The following AUTS2 variants were observed in gnomAD, a reference collection of about 807,000 sequenced individuals.
AUTS2 encodes the protein autism susceptibility gene 2 protein.
Under a neutral mutation model 112.4 loss-of-function variants are expected in AUTS2, and 17 were observed. That is an observed-to-expected ratio of 0.15 (90% CI 0.10 to 0.23). AUTS2 has a LOEUF of 0.23. AUTS2 is among the 10% of genes least tolerant of loss of function. The pLI is 1.00. For synonymous variants in AUTS2, 751 were observed against 702.7 expected (o/e 1.07, Z -1.09); for missense variants, 1,510 against 1,701.6 (o/e 0.89, Z 1.98).
chr7:70,478,931 TGTC>T (rs1797685779), intron 5 of AUTS2, among the ~76,000 whole-genome samples: 1 of 152,206 alleles, frequency 6.6e-6, no homozygotes, highest in Non-Finnish European at 1.5e-5. Flanking sequence ...TTAGATGTTA[TGTC>T]GCCAGACCCT....
chr7:69,614,314 C>CTCTCTCTTTCTTTCTT (rs1554334304), intron 1 of AUTS2, among the ~76,000 whole-genome samples: 2 of 83,412 alleles, frequency 2.4e-5, no homozygotes, highest in Admixed American at 1.3e-4. Context: ...CACTCTCCGT[C>CTCTCTCTTTCTTTCTT]TCTTTCTTTC....
At chr7:69,755,789 G>A (rs1787921628) in intron 1 of AUTS2, among the ~76,000 whole-genome samples, 1 of 152,034 alleles carries the variant, frequency 6.6e-6, no homozygotes, top group African/African-American at 2.4e-5. Flanking sequence ...GACACTTTGG[G>A]CATGTACGGG....
chr7:70,101,143 G>T (rs1360344345), intron 2 of AUTS2, among the ~76,000 whole-genome samples: 3 of 152,144 alleles, frequency 2.0e-5, no homozygotes, highest in Non-Finnish European at 4.4e-5. Context: ...CTCCCAAAGT[G>T]CTGGGATTAC....
chr7:70,096,570 GC>G, intron 2 of AUTS2, among the ~76,000 whole-genome samples: 1 of 141,952 alleles, frequency 7.0e-6, no homozygotes, highest in South Asian at 2.2e-4. Context: ...TTGCACTCCA[GC>G]CTGGGCAACA....
chr7:70,746,940 C>T (rs1170396311), intron 6 of AUTS2, among the ~76,000 whole-genome samples: 1 of 152,066 alleles, frequency 6.6e-6, no homozygotes, highest in East Asian at 1.9e-4. Context: ...GTCACATAAG[C>T]AATAATTTAC....
chr7:69,805,375 CAGAAAG>C (rs1365178140), intron 1 of AUTS2, among the ~76,000 whole-genome samples: 1 of 152,038 alleles, frequency 6.6e-6, no homozygotes, highest in Admixed American at 6.6e-5. Flanking sequence ...GGAGGATAGT[CAGAAAG>C]AGGAGACAAA....
At chr7:70,528,539 A>G (rs962291281) in intron 5 of AUTS2, among the ~76,000 whole-genome samples, 5 of 152,234 alleles carry the variant, frequency 3.3e-5, no homozygotes, top group African/African-American at 7.2e-5. Flanking sequence ...TCTTGTTCCT[A>G]AAGCTGAAGA....
chr7:70,195,445 A>G (rs1450592419), intron 4 of AUTS2, among the ~76,000 whole-genome samples: 1 of 152,102 alleles, frequency 6.6e-6, no homozygotes, highest in Non-Finnish European at 1.5e-5. Flanking sequence ...TCAGGAGTTC[A>G]AGACCAGCCT....
chr7:70,369,357 A>G (rs889825106), intron 4 of AUTS2, among the ~76,000 whole-genome samples: 4 of 152,174 alleles, frequency 2.6e-5, no homozygotes, highest in African/African-American at 9.7e-5. Context: ...TGGGGCAAAA[A>G]AGCTCATGCC....
chr7:70,733,304 C>T (rs1026024089), intron 6 of AUTS2, among the ~76,000 whole-genome samples: 10 of 152,190 alleles, frequency 6.6e-5, no homozygotes, highest in African/African-American at 2.2e-4. Flanking sequence ...CCACAGTTTA[C>T]ATCACTCAGA....
At chr7:69,925,319 A>G (rs1225050054) in intron 2 of AUTS2, among the ~76,000 whole-genome samples, 2 of 152,034 alleles carry the variant, frequency 1.3e-5, no homozygotes, top group Non-Finnish European at 2.9e-5. Flanking sequence ...CTGGCTTTTA[A>G]AAGTAGGAGC....
rs71068006 is a variant in AUTS2, at chr7:70,011,314, TCTCTCCTCTCCTCTCCTCTC to T, written c.523-106786_523-106767del. On this transcript the variant is annotated intron_variant, in intron 2 of 18. Transcript: ENST00000342771. ...TAGCCTCACCTCTCCTCTCCTTTCCTCTCTCCTCTCCTCTCCTCTCCTCTCCTCTCCTCTCCTCTCCTCTC... is the reference window on the plus strand; with the variant it reads ...TAGCCTCACCTCTCCTCTCCTTTCCTCTCTCCTCTCCTCTCCTCTCCTCTC... Among the ~76,000 whole-genome samples the T allele has an allele frequency of 4.2e-3, 468 of 110,570 alleles. 6 individuals are homozygous for T. Among genetic ancestry groups the T allele is most frequent in the African/African-American group, 0.015 (419 of 28,082 alleles). 72.5% of individuals were successfully genotyped at this position (110,570 alleles called of 152,430 possible). A position where few individuals can be genotyped will look rare whatever the true frequency, so the allele number is the denominator to read the frequency against.
intron 4 of AUTS2, among the ~76,000 whole-genome samples, chr7:70,404,821 A>G (rs1486489284): frequency 6.6e-6 from 1 of 152,214 alleles, no homozygotes; most frequent in Non-Finnish European, 1.5e-5. Flanking sequence ...ACACTGCCAT[A>G]ATCAAAACTA....
chr7:70,365,723 A>C (rs1333824660), intron 4 of AUTS2, among the ~76,000 whole-genome samples: 2 of 152,262 alleles, frequency 1.3e-5, no homozygotes, highest in Admixed American at 1.3e-4. Context: ...AGATAAGATC[A>C]ATTTTAAGAT....
rs67326941 is a variant in AUTS2, at chr7:70,712,193, C to CTT, written c.742+13606_742+13607dup. Reference sequence around the variant, plus strand: ...GGCACAAGCCACCATGCCTGGCTCACTTTTTTTTTTTTTTTTTTTTTTTTT... The same window carrying CTT: ...GGCACAAGCCACCATGCCTGGCTCACTTTTTTTTTTTTTTTTTTTTTTTTTTT... On this transcript the variant is annotated intron_variant, in intron 6 of 18. Transcript: ENST00000342771. 3.9e-3 allele frequency among the ~76,000 whole-genome samples: 176 copies of CTT among 45,184 alleles called. 22 individuals carry two copies. Among genetic ancestry groups the CTT allele is most frequent in the African/African-American group, 8.0e-3 (82 of 10,198 alleles). The allele number at this position is 45,184 out of a possible 152,430, so 29.6% of individuals were successfully genotyped here.
In AUTS2 at chr7:70,791,398, G is replaced by GAT. The variant is rs1250071553; in HGVS notation, c.*403_*404dup. 1.2e-5 allele frequency: 2 copies of GAT among 168,942 alleles called. No individual in the cohort carries two copies. The highest frequency in any genetic ancestry group is 2.0e-4 in the South Asian group (1 of 4,958). The allele number at this position is 168,942 out of a possible 1,614,324, so 10.5% of individuals were successfully genotyped here. A position where few individuals can be genotyped will look rare whatever the true frequency, so the allele number is the denominator to read the frequency against. On this transcript the variant is annotated 3_prime_UTR_variant, in exon 19 of 19. Coordinates refer to ENST00000342771, the MANE Select transcript of AUTS2 (RefSeq NM_015570.4). ...CCGTGTACATAGTTATGTAAAAAGA[G>GAT]ATTGCTTCATGAGCTAATGGTTCAT...
chr7:70,771,523 T>C (rs762133373), intron 10 of AUTS2, 26 bp from the exon 11 acceptor site: 3 of 1,576,998 alleles, frequency 1.9e-6, no homozygotes, highest in South Asian at 1.1e-5. Flanking sequence ...AAAATCTTTT[T>C]TCCCCCTCTC....
In AUTS2 at chr7:69,599,874, G is replaced by A. The variant is rs1792282066; in HGVS notation, c.221G>A (p.Arg74Gln). Residue 74 changes from arginine (R) to glutamine (Q), a missense_variant, in exon 1 of 19, where the codon CGG becomes CAG. By Grantham distance (43) the Arg-to-Gln change is conservative (BLOSUM62 1). Coordinates refer to ENST00000342771, the MANE Select transcript of AUTS2 (RefSeq NM_015570.4). The surrounding 1 kb of genome is among the most constrained non-coding windows in gnomAD (Gnocchi z 7.0). Reference protein sequence around the residue: ...SSAPSRPRPPRRKRRESTSAE... With the variant: ...SSAPSRPRPPQRKRRESTSAE... The stretch of plus-strand genomic sequence containing the variant: ...GCCCCGTCCCGGCCCAGACCCCCGC[G>A]GAGGAAGCGGAGAGAGTCCACCTCG... 1 of 1,613,340 alleles carries A rather than the reference G, an allele frequency of 6.2e-7. No individual in the cohort carries two copies. Among genetic ancestry groups the A allele is most frequent in the Non-Finnish European group, 8.5e-7 (1 of 1,179,882 alleles).
rs1554368326 is a variant in AUTS2, at chr7:69,779,050, TAAAA to T, written c.310-120214_310-120211del. ...ACATAGTTGTGAGCCTTTTTTTTTT[TAAAA>T]AAAAAAAAAAAAAAAAAAAAAGAGT... On this transcript the variant is annotated intron_variant, in intron 1 of 18. Coordinates refer to ENST00000342771, the MANE Select transcript of AUTS2 (RefSeq NM_015570.4). 1.5e-3 allele frequency among the ~76,000 whole-genome samples: 131 copies of T among 86,574 alleles called. 1 individual carries two copies. The highest frequency in any genetic ancestry group is 5.9e-3 in the African/African-American group (124 of 20,914). 56.8% of individuals were successfully genotyped at this position (86,574 alleles called of 152,430 possible).
Sources: gnomAD v4.1 joint callset for allele counts (sites outside exome capture counted in the v4.1 genomes callset) on GRCh38, gnomAD v4.1.1 for gene constraint, Gnocchi (gnomAD v3.1) non-coding constraint, MANE v1.5 for transcripts, NCBI Gene and HGNC (gene_info 2026-07-23, HGNC 2026-07-21) for gene names.